The following RABL6 variants were observed in gnomAD, a reference collection of about 807,000 sequenced individuals.
The protein encoded by RABL6 is RAB, member RAS oncogene family like 6.
In RABL6, 28 loss-of-function variants were observed where a neutral mutation model predicts 72.9. The ratio of observed to expected loss-of-function variants is 0.38; its 90% confidence interval spans 0.28 to 0.53. The LOEUF (loss-of-function observed/expected upper bound fraction) is 0.53, where lower values mean the gene tolerates loss of function less well. Ranked by LOEUF, RABL6 falls within the 20% of genes least tolerant of loss-of-function variation. The pLI, the probability that RABL6 is intolerant of heterozygous loss-of-function variation, is 0.80. For synonymous variants in RABL6, 477 were observed against 421.2 expected (o/e 1.13, Z -1.62); for missense variants, 1,029 against 1,008.4 (o/e 1.02, Z -0.28).
chr9:136,811,356 G>A (rs763021770), intron 1 of RABL6, among the ~76,000 whole-genome samples: 4 of 152,042 alleles, frequency 2.6e-5, no homozygotes, highest in African/African-American at 7.2e-5. Context: ...GGTGGCTCAC[G>A]CCTGTAATCT....
chr9:136,831,927 G>C, intron 6 of RABL6, 66 bp downstream of exon 6: 1 of 1,527,602 alleles, frequency 6.5e-7, no homozygotes, highest in Non-Finnish European at 8.8e-7. Context: ...GGAGGGTGCT[G>C]AGGCAGAGGC....
At chr9:136,822,161 G>T (rs1848251453) in intron 1 of RABL6, 3 of 1,165,494 alleles carry the variant, frequency 2.6e-6, no homozygotes, top group Admixed American at 6.2e-5. Flanking sequence ...CGCCCTCTGC[G>T]TTGGGAGCTT....
intron 2 of RABL6, 73 bp downstream of exon 2, chr9:136,823,732 G>T: frequency 1.3e-6 from 2 of 1,482,532 alleles, no homozygotes; most frequent in Non-Finnish European, 1.8e-6. Context: ...CCTGGGAGAT[G>T]CATTCCCCAG....
At chr9:136,820,164 A>C (rs942570147) in intron 1 of RABL6, among the ~76,000 whole-genome samples, 8 of 136,924 alleles carry the variant, frequency 5.8e-5, no homozygotes, top group Non-Finnish European at 3.0e-5. Context: ...ACACCACTGC[A>C]CTCCAGCCTG....
chr9:136,833,785 G>C, intron 7 of RABL6: 1 of 1,550,520 alleles, frequency 6.4e-7, no homozygotes, highest in Admixed American at 2.0e-5. Flanking sequence ...AAGTGAGGAT[G>C]CCTGCAGGCT....
rs371702474 is a variant in RABL6, at chr9:136,823,580, C to T, written c.186C>T (p.Arg62=). The part of the protein sequence containing the change: ...RNTGKTALWH[R]LQGRPFVEEY... ...CGGGCAAGACAGCGCTGTGGCACCGCCTGCAGGGCCGGCCGTTCGTGGAGG... is the reference window on the plus strand; with the variant it reads ...CGGGCAAGACAGCGCTGTGGCACCGTCTGCAGGGCCGGCCGTTCGTGGAGG... The change falls in exon 2 of 15, where the codon CGC becomes CGT. Residue 62 remains arginine, a synonymous_variant. Transcript: ENST00000311502. 1 of 1,613,874 alleles carries T rather than the reference C, an allele frequency of 6.2e-7. No homozygotes were observed. Among genetic ancestry groups the T allele is most frequent in the Non-Finnish European group, 8.5e-7 (1 of 1,179,862 alleles).
At chr9:136,821,604 GC>G in intron 1 of RABL6, 30 of 987,292 alleles carry the variant, frequency 3.0e-5, no homozygotes, top group Non-Finnish European at 3.6e-5. Context: ...TGTGGGCCGC[GC>G]CCGGGTTCCT....
At chr9:136,813,304 C>A in intron 1 of RABL6, 1 of 630,294 alleles carries the variant, frequency 1.6e-6, no homozygotes, top group Non-Finnish European at 2.9e-6. Flanking sequence ...TTTAGATTTG[C>A]CATTTTGGTT....
At position 136,820,991 on chromosome 9, in the gene RABL6, A is replaced by ATCAG. The variant is rs530216981; in HGVS notation, c.131-2534_131-2533insTCAG. On this transcript the variant is annotated intron_variant, in intron 1 of 14. Coordinates refer to ENST00000311502, the MANE Select transcript of RABL6 (RefSeq NM_024718.5). ...CATGAGCCTTAAGTGCGTATCGCTG[A>ATCAG]GTGAGAGAAATTATTCTGTGTGACC... Among the ~76,000 whole-genome samples, 11 of 152,264 alleles carry ATCAG rather than the reference A, an allele frequency of 7.2e-5. No individual in the cohort carries two copies. In the South Asian group the frequency reaches 2.3e-3, roughly 32 times the overall value.
intron 7 of RABL6, chr9:136,833,857 G>C (rs145215909): frequency 6.4e-7 from 1 of 1,550,500 alleles, no homozygotes; most frequent in Non-Finnish European, 8.7e-7. Flanking sequence ...GTCCTGTGCC[G>C]GCACTGCTGG....
intron 10 of RABL6, 119 bp from the exon 11 acceptor site, chr9:136,838,790 G>T (rs1326438035): frequency 4.5e-6 from 4 of 880,804 alleles, no homozygotes; most frequent in Non-Finnish European, 5.1e-6. Context: ...AGCACCTGGG[G>T]TGGGGTGGCC....
intron 1 of RABL6, among the ~76,000 whole-genome samples, chr9:136,819,791 C>T (rs554540757): frequency 6.3e-4 from 96 of 152,108 alleles, no homozygotes; most frequent in Non-Finnish European, 1.2e-3. Flanking sequence ...TCACTGGTGC[C>T]GTGGCTTATA....
At position 136,840,775 on chromosome 9, in the gene RABL6, C is replaced by T; in HGVS notation, c.*253C>T. On this transcript the variant is annotated 3_prime_UTR_variant, in exon 15 of 15. Transcript: ENST00000311502. ...GCCAGGCTCGGTGGACACCCTGGCC[C>T]TCTCGGGGCAGAGCCGCCAGTGTTT... 6.5e-7 allele frequency: 1 copy of T among 1,548,062 alleles called. No individual in the cohort carries two copies. The highest frequency in any genetic ancestry group is 2.0e-5 in the Admixed American group (1 of 50,996).
chr9:136,825,941 C>T lies in RABL6; in HGVS notation c.313+115C>T, dbSNP rs147998897. On this transcript the variant is annotated intron_variant, in intron 3 of 14. Coordinates refer to ENST00000311502, the MANE Select transcript of RABL6 (RefSeq NM_024718.5). Reference sequence around the variant, plus strand: ...TCACCCACCATCCTCGTGGACGGTGCCCAGGGTCTTGCTGCTCTGCTCCCC... The same window carrying T: ...TCACCCACCATCCTCGTGGACGGTGTCCAGGGTCTTGCTGCTCTGCTCCCC... The T allele has an allele frequency of 2.7e-4, 340 of 1,256,348 alleles. 1 individual carries two copies. The East Asian group carries it at 7.9e-3, about 29-fold the overall frequency. The allele number at this position is 1,256,348 out of a possible 1,614,324, so 77.8% of individuals were successfully genotyped here. A position where few individuals can be genotyped will look rare whatever the true frequency, so the allele number is the denominator to read the frequency against.
chr9:136,808,121 T>C lies in RABL6; in HGVS notation c.-76T>C. 7.2e-7 allele frequency: 1 copy of C among 1,382,896 alleles called. No homozygotes were observed. The highest frequency in any genetic ancestry group is 9.5e-7 in the Non-Finnish European group (1 of 1,053,884). The allele number at this position is 1,382,896 out of a possible 1,614,324, so 85.7% of individuals were successfully genotyped here. On this transcript the variant is annotated 5_prime_UTR_variant, in exon 1 of 15. An upstream start codon of the reference 5' UTR is lost. Coordinates refer to ENST00000311502, the MANE Select transcript of RABL6 (RefSeq NM_024718.5). ...CGGGGGGGCCGGGGCCGCCGGGACA[T>C]GGTGCCAGTCGCACCCCTTCCCCGC... is the stretch of plus-strand genomic sequence containing the variant.
Position 136,840,522 on chromosome 9 carries a change from G to T in RABL6, c.2190G>T (p.Ter730TyrextTer97). The part of the protein sequence containing the change: ...HPGGGDYEEL[*>Y] The stretch of plus-strand genomic sequence containing the variant: ...GGGGTGGCGACTACGAGGAGCTCTA[G>T]GCCGGCGTGGGCAGTGGCCGCCCTG... The change falls in exon 15 of 15, where the codon TAG becomes TAT. Residue 730 changes from the stop codon to tyrosine, a stop_lost. Transcript: ENST00000311502. 1 of 1,541,212 alleles carries T rather than the reference G, an allele frequency of 6.5e-7. No individual in the cohort carries two copies.
At chr9:136,818,779 T>C (rs1401740773) in intron 1 of RABL6, among the ~76,000 whole-genome samples, 1 of 151,142 alleles carries the variant, frequency 6.6e-6, no homozygotes, top group Non-Finnish European at 1.5e-5. Flanking sequence ...TAAGCGTTGG[T>C]TATGTTAATC....
At position 136,839,294 on chromosome 9, in the gene RABL6, C is replaced by G; in HGVS notation, c.1566C>G (p.Gly522=). 2 of 1,611,496 alleles carry G rather than the reference C, an allele frequency of 1.2e-6. No homozygotes were observed. The highest frequency in any genetic ancestry group is 1.7e-6 in the Non-Finnish European group (2 of 1,179,404). The change falls in exon 12 of 15, where the codon GGC becomes GGG. Residue 522 remains glycine (G), a synonymous_variant. Coordinates refer to ENST00000311502, the MANE Select transcript of RABL6 (RefSeq NM_024718.5). Reference sequence around the variant, plus strand: ...GGACCGCAGCACCCCCCTGGCCAGGCGGTGTCTCTGTTCGCACAGGTCCGG... The same window carrying G: ...GGACCGCAGCACCCCCCTGGCCAGGGGGTGTCTCTGTTCGCACAGGTCCGG... ...PTRTAAPPWP[G]GVSVRTGPEK...
At position 136,817,283 on chromosome 9, in the gene RABL6, A is replaced by G. The variant is rs1241610246; in HGVS notation, c.131-6242A>G. On this transcript the variant is annotated intron_variant, in intron 1 of 14. Coordinates refer to ENST00000311502, the MANE Select transcript of RABL6 (RefSeq NM_024718.5). ...GAAGGAGAAGAGAGCAAGAAAGGAG[A>G]AAGGGAAGACTGAGGACTTTCCAGA... Among the ~76,000 whole-genome samples, 3 of 152,120 alleles carry G rather than the reference A, an allele frequency of 2.0e-5. No homozygotes were observed. In the East Asian group the frequency reaches 5.8e-4, roughly 29 times the overall value.
Sources: gnomAD v4.1 joint callset for allele counts (sites outside exome capture counted in the v4.1 genomes callset) on GRCh38, gnomAD v4.1.1 for gene constraint, MANE v1.5 for transcripts, NCBI Gene and HGNC (gene_info 2026-07-23, HGNC 2026-07-21) for gene names.